EML6: variants seen among roughly 807,000 people sequenced by gnomAD.
EML6 encodes echinoderm microtubule-associated protein-like 6.
Under a neutral mutation model 240.1 loss-of-function variants are expected in EML6, and 154 were observed. That is an observed-to-expected ratio of 0.64 (90% confidence interval 0.56 to 0.73). The LOEUF is 0.73. EML6 is among the 30% of genes least tolerant of loss of function. The probability of loss-of-function intolerance (pLI) is 0.00; values close to 1 mark genes in which losing one functional copy is unlikely to be tolerated. For missense variants in EML6, 2,964 were observed against 2,474.6 expected (o/e 1.20, Z -4.20); for synonymous variants, 1,148 against 899.0 (o/e 1.28, Z -4.95).
intron 22 of EML6, among the ~76,000 whole-genome samples, chr2:54,900,101 T>C (rs1474149165): frequency 6.6e-6 from 1 of 152,250 alleles, no homozygotes; most frequent in Non-Finnish European, 1.5e-5. Context: ...TTTTAAAGAA[T>C]GCTATTTATT....
chr2:54,841,179 A>G (rs1011899528), intron 7 of EML6, among the ~76,000 whole-genome samples: 1 of 152,254 alleles, frequency 6.6e-6, no homozygotes, highest in African/African-American at 2.4e-5. Context: ...GTCAGCTTGC[A>G]ATGACATCCT....
chr2:54,809,210 A>G (rs1360482618), intron 2 of EML6, among the ~76,000 whole-genome samples: 2 of 152,224 alleles, frequency 1.3e-5, no homozygotes, highest in East Asian at 1.9e-4. Flanking sequence ...GTCTTCTTAG[A>G]AAAGCAAAGA....
chr2:54,967,309 C>T (rs73936506), intron 39 of EML6: 5,836 of 360,716 alleles, frequency 0.016, 284 homozygotes, highest in African/African-American at 0.1. Flanking sequence ...AAATGCGAAG[C>T]CCCTCTTTTT....
chr2:54,834,667 G>T lies in EML6; in HGVS notation c.847+5190G>T, dbSNP rs559987774. On this transcript the variant is annotated intron_variant, in intron 7 of 41. Coordinates refer to ENST00000356458, the MANE Select transcript of EML6 (RefSeq NM_001039753.4). Reference sequence around the variant, plus strand: ...ACCAACACATATTTATTGAGTTGTTGCTGTGTCTAATGGACTATAAACTCC... The same window carrying T: ...ACCAACACATATTTATTGAGTTGTTTCTGTGTCTAATGGACTATAAACTCC... Among the ~76,000 whole-genome samples the T allele has an allele frequency of 3.3e-5, 5 of 152,238 alleles. No homozygotes were observed. The South Asian group carries it at 6.2e-4, about 19-fold the overall frequency.
At chr2:54,899,810 CAG>C in intron 22 of EML6, 28 bp downstream of exon 22, 1 of 1,535,140 alleles carries the variant, frequency 6.5e-7, no homozygotes, top group Non-Finnish European at 8.8e-7. Context: ...ACACATCTGT[CAG>C]AGTATTTACA....
intron 24 of EML6, among the ~76,000 whole-genome samples, chr2:54,910,187 C>T: frequency 1.3e-5 from 2 of 152,246 alleles, no homozygotes; most frequent in South Asian, 2.1e-4. Context: ...TCTTTATACT[C>T]TTCTTCTATA....
At chr2:54,768,413 T>C (rs1247786793) in intron 2 of EML6, among the ~76,000 whole-genome samples, 1 of 152,226 alleles carries the variant, frequency 6.6e-6, no homozygotes, top group African/African-American at 2.4e-5. Flanking sequence ...ACTACTTTTC[T>C]TCCCAATATG....
rs1002597662 is a variant in EML6, at chr2:54,948,829, G to A, written c.4005-53G>A. 72 of 1,426,636 alleles carry A rather than the reference G, an allele frequency of 5.0e-5. No homozygotes were observed. In the Admixed American group the frequency reaches 1.4e-3, roughly 28 times the overall value. The allele number at this position is 1,426,636 out of a possible 1,614,324, so 88.4% of individuals were successfully genotyped here. On this transcript the variant is annotated intron_variant, in intron 28 of 41. Coordinates refer to ENST00000356458, the MANE Select transcript of EML6 (RefSeq NM_001039753.4). ...CTAGACAGGCCACACCGGGAAGGCA[G>A]CCTTGCAGCCCTTGTTCAATGCTGT...
intron 17 of EML6, chr2:54,881,985 G>A (rs1391939796): frequency 6.6e-6 from 1 of 152,252 alleles, no homozygotes; most frequent in African/African-American, 2.4e-5. Flanking sequence ...CGTCAGCTGT[G>A]CTGCTGGTGG....
At chr2:54,853,582 TAAA>T (rs1573006176) in intron 10 of EML6, 58 bp from the exon 11 acceptor site, 2 of 1,077,020 alleles carry the variant, frequency 1.9e-6, no homozygotes, top group East Asian at 5.5e-5. Context: ...CAGATCTTTA[TAAA>T]AAATAAATTA....
chr2:54,796,980 G>T (rs1054589175), intron 2 of EML6, among the ~76,000 whole-genome samples: 3 of 151,658 alleles, frequency 2.0e-5, no homozygotes, highest in Non-Finnish European at 4.4e-5. Context: ...TGGCTAACGT[G>T]GTGAAACCTG....
intron 11 of EML6, among the ~76,000 whole-genome samples, chr2:54,856,876 G>A (rs1573012008): frequency 1.3e-5 from 2 of 152,198 alleles, no homozygotes; most frequent in East Asian, 3.9e-4. Context: ...AAGTAGAGAA[G>A]TTATTGCAGG....
intron 30 of EML6, among the ~76,000 whole-genome samples, chr2:54,952,280 A>T (rs1194482835): frequency 2.6e-5 from 4 of 152,168 alleles, no homozygotes; most frequent in Non-Finnish European, 4.4e-5. Context: ...GACCTTCATC[A>T]TTGTGGACTC....
At chr2:54,879,056 ATGT>A (rs1215369957) in intron 16 of EML6, among the ~76,000 whole-genome samples, 1 of 152,236 alleles carries the variant, frequency 6.6e-6, no homozygotes, top group African/African-American at 2.4e-5. Context: ...AGTTTCTATA[ATGT>A]TCCTAATTTG....
intron 2 of EML6, among the ~76,000 whole-genome samples, chr2:54,784,874 T>C (rs1157308139): frequency 6.6e-6 from 1 of 152,190 alleles, no homozygotes; most frequent in Non-Finnish European, 1.5e-5. Flanking sequence ...CTTACAGTAC[T>C]GTATTGTATT....
intron 2 of EML6, among the ~76,000 whole-genome samples, chr2:54,775,276 C>A (rs781609957): frequency 2.6e-5 from 4 of 152,256 alleles, no homozygotes; most frequent in Non-Finnish European, 4.4e-5. Context: ...GCCCTGCAGG[C>A]ACTGGCCCCT....
intron 2 of EML6, among the ~76,000 whole-genome samples, chr2:54,736,024 G>T (rs556288618): frequency 6.6e-6 from 1 of 152,322 alleles, no homozygotes; most frequent in Non-Finnish European, 1.5e-5. Flanking sequence ...AACAGCTTAT[G>T]CAGAGGCTCA....
chr2:54,931,514 G>A lies in EML6; in HGVS notation c.4004+2763G>A, dbSNP rs369333671. On this transcript the variant is annotated intron_variant, in intron 28 of 41. Transcript: ENST00000356458. The stretch of plus-strand genomic sequence containing the variant: ...GGCAGCAGTGGCCAGCTTCTCCCTG[G>A]GAATAATCAGGGCCGTTGCCCAGCA... Among the ~76,000 whole-genome samples the A allele has an allele frequency of 3.9e-5, 6 of 152,262 alleles. No homozygotes were observed. In the East Asian group the frequency reaches 1.2e-3, roughly 29 times the overall value.
intron 13 of EML6, among the ~76,000 whole-genome samples, chr2:54,864,923 T>C (rs1361235580): frequency 6.6e-6 from 1 of 152,236 alleles, no homozygotes; most frequent in Admixed American, 6.5e-5. Flanking sequence ...GTCAGCCCCA[T>C]GACGAAATCA....
Sources: gnomAD v4.1 joint callset for allele counts (sites outside exome capture counted in the v4.1 genomes callset) on GRCh38, gnomAD v4.1.1 for gene constraint, MANE v1.5 for transcripts, NCBI Gene and HGNC (gene_info 2026-07-23, HGNC 2026-07-21) for gene names.